The following EYS variants were observed in gnomAD, a reference collection of about 807,000 sequenced individuals.
The protein encoded by EYS is EGF-like photoreceptor maintenance factor.
EYS carries 250 observed loss-of-function variants against 282.1 expected under a neutral mutation model. The observed-to-expected ratio is 0.89, with a 90% CI of 0.80 to 0.98. EYS has a LOEUF of 0.98. Ranked by LOEUF, EYS falls within the 50% of genes least tolerant of loss-of-function variation. The probability of loss-of-function intolerance (pLI) is 0.00; values close to 1 mark genes in which losing one functional copy is unlikely to be tolerated. For missense variants in EYS, 4,016 were observed against 3,709.0 expected, an observed-to-expected ratio of 1.08 and a Z score of -2.15; for synonymous variants, 1,355 against 1,282.9, an observed-to-expected ratio of 1.06 and a Z score of -1.20.
chr6:65,121,798 G>T (rs975006151), intron 12 of EYS, among the ~76,000 whole-genome samples: 1 of 152,094 alleles, frequency 6.6e-6, no homozygotes, highest in Non-Finnish European at 1.5e-5. Context: ...TTAGGCTATA[G>T]TATCTCAAAG....
At chr6:64,282,646 G>T (rs1414373095) in intron 30 of EYS, among the ~76,000 whole-genome samples, 1 of 152,016 alleles carries the variant, frequency 6.6e-6, no homozygotes. Flanking sequence ...GATTTCTTAA[G>T]CATAATTATT....
At chr6:64,519,823 G>A (rs895575929) in intron 26 of EYS, among the ~76,000 whole-genome samples, 3 of 151,784 alleles carry the variant, frequency 2.0e-5, no homozygotes, top group African/African-American at 7.2e-5. Context: ...TGGGGAGGAA[G>A]GGATGTCAAA....
chr6:63,994,031 A>G (rs918724027), intron 34 of EYS, among the ~76,000 whole-genome samples: 1 of 151,984 alleles, frequency 6.6e-6, no homozygotes, highest in African/African-American at 2.4e-5. Context: ...CCACAAATGC[A>G]TGTGGAAAAT....
chr6:64,296,822 G>T (rs1769047152), intron 30 of EYS, among the ~76,000 whole-genome samples: 1 of 151,894 alleles, frequency 6.6e-6, no homozygotes, highest in Non-Finnish European at 1.5e-5. Context: ...GGCCAGACTG[G>T]TATTGAACTC....
chr6:65,023,466 T>C (rs1228651109), intron 13 of EYS, among the ~76,000 whole-genome samples: 1 of 152,166 alleles, frequency 6.6e-6, no homozygotes, highest in East Asian at 1.9e-4. Flanking sequence ...CATTGTAGTG[T>C]TTGTTTTGTG....
chr6:65,180,817 C>T (rs562581537), intron 12 of EYS, among the ~76,000 whole-genome samples: 7 of 152,088 alleles, frequency 4.6e-5, no homozygotes, highest in Admixed American at 3.9e-4. Context: ...TACTACAAGG[C>T]TACAGTAACC....
intron 7 of EYS, among the ~76,000 whole-genome samples, chr6:65,397,032 G>A (rs2150360404): frequency 6.6e-6 from 1 of 151,764 alleles, no homozygotes; most frequent in Middle Eastern, 3.4e-3. Flanking sequence ...CTAACTCATG[G>A]AGTCCTTTTA....
chr6:64,707,109 A>G (rs2149930626), intron 22 of EYS, among the ~76,000 whole-genome samples: 2 of 79,228 alleles, frequency 2.5e-5, no homozygotes, highest in Admixed American at 2.6e-4. Flanking sequence ...ATATGCATAC[A>G]CACACACACA....
chr6:64,033,430 T>G (rs924663620), intron 33 of EYS, among the ~76,000 whole-genome samples: 4 of 152,196 alleles, frequency 2.6e-5, no homozygotes, highest in African/African-American at 4.8e-5. Flanking sequence ...TAAAATATTT[T>G]AAGTTAATTC....
chr6:65,019,602 C>T (rs1772180769), intron 13 of EYS, among the ~76,000 whole-genome samples: 1 of 152,090 alleles, frequency 6.6e-6, no homozygotes, highest in Non-Finnish European at 1.5e-5. Context: ...AAAGTACCTG[C>T]CAAGCACCAT....
intron 1 of EYS, among the ~76,000 whole-genome samples, chr6:65,642,674 C>T (rs1257385058): frequency 6.6e-6 from 1 of 152,114 alleles, no homozygotes; most frequent in African/African-American, 2.4e-5. Context: ...ATTTATGTAA[C>T]TAACAAATAC....
rs117747837 is a variant in EYS, at chr6:64,114,951, C to A, written c.6425-32949G>T. On this transcript the variant is annotated intron_variant, in intron 31 of 42. Coordinates refer to ENST00000503581, the MANE Select transcript of EYS (RefSeq NM_001142800.2). ...AGCTCCCCTGCAGCCCCATACATGC[C>A]CCTGACCCTGGAGCTGCGGCCACTC... is the stretch of plus-strand genomic sequence containing the variant. Among the ~76,000 whole-genome samples, 74 of 152,268 alleles carry A rather than the reference C, an allele frequency of 4.9e-4. No homozygotes were observed. The East Asian group carries it at 0.013, about 27-fold the overall frequency.
At chr6:64,552,145 T>C (rs568526663) in intron 26 of EYS, among the ~76,000 whole-genome samples, 1 of 152,276 alleles carries the variant, frequency 6.6e-6, no homozygotes, top group African/African-American at 2.4e-5. Flanking sequence ...CAGACATGCC[T>C]CATTATACCT....
chr6:65,016,522 CAT>C lies in EYS; in HGVS notation c.2138-18821_2138-18820del, dbSNP rs559271554. Reference sequence around the variant, plus strand: ...ACAAAAATTCAGATATTTAGAGAAACATAGTTAAAAAGTGAGTAAATAATAGG... The same window carrying C: ...ACAAAAATTCAGATATTTAGAGAAACAGTTAAAAAGTGAGTAAATAATAGG... On this transcript the variant is annotated intron_variant, in intron 13 of 42. Transcript: ENST00000503581. Among the ~76,000 whole-genome samples the C allele has an allele frequency of 5.5e-3, 838 of 152,128 alleles. 16 individuals carry two copies. The highest frequency in any genetic ancestry group is 7.0e-3 in the Non-Finnish European group (476 of 67,990).
At chr6:64,923,019 T>G (rs919120716) in intron 15 of EYS, among the ~76,000 whole-genome samples, 1 of 152,158 alleles carries the variant, frequency 6.6e-6, no homozygotes, top group African/African-American at 2.4e-5. Flanking sequence ...TTACTTTTTT[T>G]GGGGTGGGAC....
intron 31 of EYS, among the ~76,000 whole-genome samples, chr6:64,121,227 A>C (rs3003672): frequency 0.083 from 12,653 of 152,224 alleles, 1,375 homozygotes; most frequent in African/African-American, 0.26. Flanking sequence ...ATCTTTTGCC[A>C]CATAACTTAA....
intron 12 of EYS, among the ~76,000 whole-genome samples, chr6:65,293,544 T>G (rs1768584516): frequency 6.6e-6 from 1 of 151,902 alleles, no homozygotes; most frequent in Admixed American, 6.6e-5. Flanking sequence ...TTCCTCATGC[T>G]GTGTTTCATG....
chr6:64,424,575 C>A (rs1350717999), intron 28 of EYS, among the ~76,000 whole-genome samples: 2 of 152,204 alleles, frequency 1.3e-5, no homozygotes, highest in African/African-American at 4.8e-5. Flanking sequence ...GTTTTTAAGA[C>A]AACAGATGTG....
At chr6:64,274,486 T>TTTTTTGTTTTTG (rs1554224750) in intron 30 of EYS, among the ~76,000 whole-genome samples, 6 of 145,952 alleles carry the variant, frequency 4.1e-5, no homozygotes, top group African/African-American at 1.6e-4. Flanking sequence ...TGGCCGTTTT[T>TTTTTTGTTTTTG]TTTTTTTTTT....
Sources: allele counts gnomAD v4.1 joint callset (sites outside exome capture counted in the v4.1 genomes callset), GRCh38; gene constraint gnomAD v4.1.1; transcripts MANE v1.5; gene names NCBI Gene and HGNC (gene_info 2026-07-23, HGNC 2026-07-21).